Variants in ZNF160 observed in about 807,000 individuals in gnomAD.
The protein encoded by ZNF160 is zinc finger protein 160.
Under a neutral mutation model 13.1 loss-of-function variants are expected in ZNF160, and 9 were observed. That is an observed-to-expected ratio of 0.69 (90% CI 0.41 to 1.20). The LOEUF is 1.20. ZNF160 is among the 50% of genes most tolerant of loss of function. The probability of loss-of-function intolerance (pLI) is 0.01; values close to 1 mark genes in which losing one functional copy is unlikely to be tolerated. For missense variants in ZNF160, 838 were observed against 988.0 expected (o/e 0.85, Z 2.04); for synonymous variants, 293 against 333.2 (o/e 0.88, Z 1.31).
chr19:53,075,808 G>T (rs1172521133), intron 3 of ZNF160: 1 of 518,922 alleles, frequency 1.9e-6, no homozygotes, highest in East Asian at 5.4e-5. Flanking sequence ...CAAGGAGGGG[G>T]TCATCAGAAT....
intron 1 of ZNF160, among the ~76,000 whole-genome samples, chr19:53,101,211 C>G (rs2085436238): frequency 6.6e-6 from 1 of 152,018 alleles, no homozygotes; most frequent in African/African-American, 2.4e-5. Flanking sequence ...ACCCAGGAGA[C>G]AGAGGTTGCA....
rs922447284 is a variant in ZNF160, at chr19:53,079,675, AG to A, written c.16-4493del. Among the ~76,000 whole-genome samples the A allele has an allele frequency of 2.5e-4, 37 of 149,660 alleles. No individual in the cohort carries two copies. The East Asian group carries it at 7.2e-3, about 29-fold the overall frequency. On this transcript the variant is annotated intron_variant, in intron 3 of 5. Coordinates refer to ENST00000683776, the MANE Select transcript of ZNF160 (RefSeq NM_001322131.2). ...ACAATAGCAGCAAAAAAAAAAAAAA[AG>A]GGACTGCATCCAACCGAAAAACTTT...
Position 53,069,856 on chromosome 19 carries a change from A to G in ZNF160, c.678T>C (p.Ser226=). 1 of 1,614,136 alleles carries G rather than the reference A, an allele frequency of 6.2e-7. No individual in the cohort carries two copies. The highest frequency in any genetic ancestry group is 8.5e-7 in the Non-Finnish European group (1 of 1,180,030). The change falls in exon 6 of 6, where the codon AGT becomes AGC. Residue 226 remains serine (S), a synonymous_variant. Transcript: ENST00000683776. The surrounding 1 kb of genome is among the most constrained non-coding windows in gnomAD (Gnocchi z 4.4). ...SVSPLQQIPS[S]VQTHRSKKYH... is the part of the protein sequence containing the mutation. ...ATTTTTTAGACCTGTGGGTTTGGAC[A>G]CTAGAAGGAATTTGTTGAAGTGGTG...
chr19:53,069,223 A>G lies in ZNF160; in HGVS notation c.1311T>C (p.Asn437=). ...CNECGKVFRY[N]SYLGRHRRVH... ...CTCTCCGATGCCTTCCGAGGTATGAATTGTACCTAAAGACTTTGCCACATT... is the reference window on the plus strand; with the variant it reads ...CTCTCCGATGCCTTCCGAGGTATGAGTTGTACCTAAAGACTTTGCCACATT... Residue 437 remains asparagine, a synonymous_variant, in exon 6 of 6, where the codon AAT becomes AAC. Coordinates refer to ENST00000683776, the MANE Select transcript of ZNF160 (RefSeq NM_001322131.2). This position sits in a 1 kb window ranked among gnomAD's most constrained non-coding sequence, Gnocchi z 4.4. 6.2e-7 allele frequency: 1 copy of G among 1,611,318 alleles called. No homozygotes were observed. Among genetic ancestry groups the G allele is most frequent in the East Asian group, 2.2e-5 (1 of 44,786 alleles).
intron 3 of ZNF160, among the ~76,000 whole-genome samples, chr19:53,078,050 G>A (rs10048515): frequency 0.019 from 2,829 of 152,200 alleles, 95 homozygotes; most frequent in African/African-American, 0.063. Context: ...GACCAGCCTG[G>A]CCAACATGAT....
chr19:53,102,014 C>T (rs1392535349), intron 1 of ZNF160, among the ~76,000 whole-genome samples: 1 of 151,726 alleles, frequency 6.6e-6, no homozygotes, highest in Non-Finnish European at 1.5e-5. Flanking sequence ...CCATTTTGTG[C>T]CTCTCACTTT....
At chr19:53,093,816 C>T (rs2085122480) in intron 1 of ZNF160, among the ~76,000 whole-genome samples, 1 of 152,164 alleles carries the variant, frequency 6.6e-6, no homozygotes, top group Non-Finnish European at 1.5e-5. Flanking sequence ...GAAGGGCACT[C>T]AGCCTTCACT....
intron 1 of ZNF160, chr19:53,093,686 T>C (rs748718838): frequency 1.3e-5 from 2 of 152,128 alleles, no homozygotes; most frequent in East Asian, 1.9e-4. Flanking sequence ...TGCATGTCTA[T>C]AGTCCCAGCT....
At chr19:53,095,165 C>T (rs2085181261) in intron 1 of ZNF160, among the ~76,000 whole-genome samples, 5 of 134,842 alleles carry the variant, frequency 3.7e-5, no homozygotes. Context: ...CTCCTCACCC[C>T]GCCCCCTCCC....
intron 3 of ZNF160, among the ~76,000 whole-genome samples, chr19:53,077,808 A>G (rs117431994): frequency 0.012 from 1,780 of 152,164 alleles, 21 homozygotes; most frequent in Middle Eastern, 0.024. Context: ...AGACTCCTAA[A>G]GTTGCTCAGT....
intron 4 of ZNF160, 137 bp downstream of exon 4, chr19:53,074,920 T>C (rs1013776956): frequency 1.7e-6 from 2 of 1,160,884 alleles, no homozygotes; most frequent in Non-Finnish European, 1.2e-6. Context: ...AGGTTTCCCA[T>C]GATTAAGCTT....
At chr19:53,079,230 G>A (rs77837680) in intron 3 of ZNF160, among the ~76,000 whole-genome samples, 5,639 of 152,110 alleles carry the variant, frequency 0.037, 188 homozygotes, top group Middle Eastern at 0.14. Flanking sequence ...AAAGTTATTT[G>A]ACAAAATTCA....
intron 5 of ZNF160, chr19:53,073,319 G>A: frequency 6.3e-7 from 1 of 1,593,902 alleles, no homozygotes; most frequent in Non-Finnish European, 8.5e-7. Flanking sequence ...TGTCTTTACG[G>A]TTATGCTGAG....
At chr19:53,086,366 CA>C (rs1600872583) in intron 2 of ZNF160, 45 bp from the exon 3 acceptor site, 1 of 1,495,416 alleles carries the variant, frequency 6.7e-7, no homozygotes, top group East Asian at 2.3e-5. Flanking sequence ...ACTGAATATC[CA>C]AAATATGCTG....
chr19:53,078,265 C>G (rs2084484531), intron 3 of ZNF160, among the ~76,000 whole-genome samples: 1 of 151,290 alleles, frequency 6.6e-6, no homozygotes, highest in African/African-American at 2.4e-5. Context: ...ACAAAATTAG[C>G]TGGGTGTAGT....
At chr19:53,076,126 G>A (rs2084378155) in intron 3 of ZNF160, among the ~76,000 whole-genome samples, 1 of 152,324 alleles carries the variant, frequency 6.6e-6, no homozygotes, top group East Asian at 1.9e-4. Context: ...AAGGACTTTT[G>A]AGCAAGTTAT....
intron 5 of ZNF160, among the ~76,000 whole-genome samples, chr19:53,070,732 C>G (rs556026101): frequency 6.6e-6 from 1 of 151,732 alleles, no homozygotes; most frequent in African/African-American, 2.4e-5. Flanking sequence ...TATTTTTTAA[C>G]AAAGAAAATG....
At chr19:53,070,362 G>T in intron 5 of ZNF160, 100 bp from the exon 6 acceptor site, 1 of 1,216,250 alleles carries the variant, frequency 8.2e-7, no homozygotes, top group Non-Finnish European at 1.1e-6. Flanking sequence ...TACTTATATT[G>T]AACAGACTTT....
chr19:53,068,256 GT>G lies in ZNF160; in HGVS notation c.2277del (p.Lys759AsnfsTer14). The G allele has an allele frequency of 2.5e-6, 4 of 1,614,100 alleles. No homozygotes were observed. The highest frequency in any genetic ancestry group is 3.4e-6 in the Non-Finnish European group (4 of 1,179,984). The stretch of plus-strand genomic sequence containing the variant: ...TTCCCACACTCTGTACACCTGTAAG[GT>G]TTCTCCCCAGTATGAATTCTTCGGT... Reference protein sequence around the residue: ...ANHRRIHTGEKPYRCTECGKA... With the variant: ...ANHRRIHTGEXPYRCTECGKA... On this transcript the variant is annotated frameshift_variant, in exon 6 of 6. Transcript: ENST00000683776. LOFTEE classifies it low-confidence loss of function (END_TRUNC).
Sources: allele counts gnomAD v4.1 joint callset (sites outside exome capture counted in the v4.1 genomes callset), GRCh38; gene constraint gnomAD v4.1.1; non-coding constraint Gnocchi (gnomAD v3.1); transcripts MANE v1.5; gene names NCBI Gene and HGNC (gene_info 2026-07-23, HGNC 2026-07-21).